The following APH1B variants were observed in gnomAD, a reference collection of about 807,000 sequenced individuals.
The protein encoded by APH1B is aph-1B gamma-secretase subunit, also known as gamma-secretase subunit APH-1B.
APH1B carries 27 observed loss-of-function variants against 28.2 expected under a neutral mutation model. The ratio of observed to expected loss-of-function variants is 0.96; its 90% confidence interval spans 0.70 to 1.32. The LOEUF is 1.32. Ranked by LOEUF, APH1B falls within the 40% of genes most tolerant of loss-of-function variation. APH1B has a pLI of 0.00. For synonymous variants in APH1B, 141 were observed against 124.6 expected (o/e 1.13, Z -0.88); for missense variants, 305 against 313.6 (o/e 0.97, Z 0.21).
chr15:63,292,595 G>A (rs935150297), intron 4 of APH1B, among the ~76,000 whole-genome samples: 1 of 151,914 alleles, frequency 6.6e-6, no homozygotes, highest in African/African-American at 2.4e-5. Flanking sequence ...TCCTTATGTT[G>A]CCCGGGCTAG....
intron 2 of APH1B, among the ~76,000 whole-genome samples, chr15:63,283,117 T>G (rs2038407206): frequency 6.6e-6 from 1 of 152,232 alleles, no homozygotes; most frequent in South Asian, 2.1e-4. Context: ...TGCTGTTAGT[T>G]TTCCTCCCAC....
In APH1B at chr15:63,308,219, G is replaced by A. The variant is rs1239521960; in HGVS notation, c.*2438G>A. Reference sequence around the variant, plus strand: ...GGATTTTCTGCTTGGAGGGAAATATGTTGACCTTAGAGAATTGTGAATATT... The same window carrying A: ...GGATTTTCTGCTTGGAGGGAAATATATTGACCTTAGAGAATTGTGAATATT... On this transcript the variant is annotated 3_prime_UTR_variant, in exon 6 of 6. Coordinates refer to ENST00000261879, the MANE Select transcript of APH1B (RefSeq NM_031301.4). The A allele has an allele frequency of 1.3e-5, 2 of 152,110 alleles. No homozygotes were observed. The highest frequency in any genetic ancestry group is 3.8e-4 in the East Asian group (2 of 5,196). The allele number at this position is 152,110 out of a possible 1,614,324, so 9.4% of individuals were successfully genotyped here.
intron 2 of APH1B, among the ~76,000 whole-genome samples, chr15:63,282,150 A>AT (rs1451397608): frequency 6.6e-6 from 1 of 152,236 alleles, no homozygotes; most frequent in Non-Finnish European, 1.5e-5. Context: ...TATGACTGAC[A>AT]TTTATATGGA....
At chr15:63,281,715 G>A (rs1419032097) in intron 2 of APH1B, among the ~76,000 whole-genome samples, 3 of 151,566 alleles carry the variant, frequency 2.0e-5, no homozygotes, top group Non-Finnish European at 4.4e-5. Context: ...CTAACTTAGG[G>A]CTCCAAAGGA....
chr15:63,306,012 T>C lies in APH1B; in HGVS notation c.*231T>C. ...GGGACAGTGTAAAGCCGACTGATTC[T>C]GGGCTCCACCTTCCAGAGCTAATTG... is the stretch of plus-strand genomic sequence containing the variant. On this transcript the variant is annotated 3_prime_UTR_variant, in exon 6 of 6. Coordinates refer to ENST00000261879, the MANE Select transcript of APH1B (RefSeq NM_031301.4). 1 of 491,016 alleles carries C rather than the reference T, an allele frequency of 2.0e-6. No homozygotes were observed. Among genetic ancestry groups the C allele is most frequent in the Non-Finnish European group, 3.5e-6 (1 of 287,896 alleles). 30.4% of individuals were successfully genotyped at this position (491,016 alleles called of 1,614,324 possible). A position where few individuals can be genotyped will look rare whatever the true frequency, so the allele number is the denominator to read the frequency against.
Position 63,305,647 on chromosome 15 carries a change from G to A in APH1B, c.640G>A (p.Ala214Thr). The change falls in exon 6 of 6, where the codon GCG (alanine) becomes ACG (threonine). Residue 214 changes from alanine to threonine, a missense_variant. By Grantham distance (58) the Ala-to-Thr change is moderately conservative. Coordinates refer to ENST00000261879, the MANE Select transcript of APH1B (RefSeq NM_031301.4). ...AAGTTCTTATTATGGAATAAACCTG[G>A]CGTCAGCATTTATAATCCTGGTGCT... ...FISSYYGINL[A>T]SAFIILVLMG... 6.2e-7 allele frequency: 1 copy of A among 1,614,090 alleles called. No individual in the cohort carries two copies. The highest frequency in any genetic ancestry group is 2.2e-5 in the East Asian group (1 of 44,874).
intron 4 of APH1B, among the ~76,000 whole-genome samples, chr15:63,288,036 C>A (rs1441340479): frequency 6.6e-6 from 1 of 152,156 alleles, no homozygotes; most frequent in Non-Finnish European, 1.5e-5. Context: ...CGTCCACGAG[C>A]TAAAAATTGT....
intron 4 of APH1B, among the ~76,000 whole-genome samples, chr15:63,288,272 CTA>C (rs1555426192): frequency 6.6e-6 from 1 of 152,026 alleles, no homozygotes; most frequent in Non-Finnish European, 1.5e-5. Flanking sequence ...AGCTTATCCT[CTA>C]ATAAGGGAAT....
At chr15:63,301,435 TAAAG>T (rs2038625898) in intron 4 of APH1B, among the ~76,000 whole-genome samples, 1 of 152,144 alleles carries the variant, frequency 6.6e-6, no homozygotes, top group Non-Finnish European at 1.5e-5. Flanking sequence ...CCACTTTAAA[TAAAG>T]ACTGTTAACC....
chr15:63,295,879 G>C (rs191747469), intron 4 of APH1B, among the ~76,000 whole-genome samples: 4 of 152,338 alleles, frequency 2.6e-5, no homozygotes, highest in Admixed American at 2.6e-4. Flanking sequence ...TCTTCATTGT[G>C]TAGAGGACGG....
At chr15:63,278,628 C>G (rs2038351683) in intron 1 of APH1B, among the ~76,000 whole-genome samples, 1 of 152,178 alleles carries the variant, frequency 6.6e-6, no homozygotes, top group South Asian at 2.1e-4. Context: ...GGATACTGAT[C>G]CAGATCAGAA....
At position 63,308,504 on chromosome 15, in the gene APH1B, T is replaced by G. The variant is rs1453016231; in HGVS notation, c.*2723T>G. 9.2e-5 allele frequency: 14 copies of G among 152,382 alleles called. No individual in the cohort carries two copies. The highest frequency in any genetic ancestry group is 3.4e-3 in the Middle Eastern group (1 of 294). 9.4% of individuals were successfully genotyped at this position (152,382 alleles called of 1,614,324 possible). A position where few individuals can be genotyped will look rare whatever the true frequency, so the allele number is the denominator to read the frequency against. On this transcript the variant is annotated 3_prime_UTR_variant, in exon 6 of 6. Coordinates refer to ENST00000261879, the MANE Select transcript of APH1B (RefSeq NM_031301.4). ...GGCTTTTGTTCCCAGCGTTAACATT[T>G]TCTTCTCAATCACATTTCAATGTTT...
chr15:63,303,511 T>C (rs1715977699), intron 5 of APH1B, among the ~76,000 whole-genome samples: 1 of 152,174 alleles, frequency 6.6e-6, no homozygotes, highest in Non-Finnish European at 1.5e-5. Flanking sequence ...TTGTTTCTAG[T>C]TTGAGATGGA....
At chr15:63,283,284 A>G (rs2038409430) in intron 2 of APH1B, among the ~76,000 whole-genome samples, 1 of 152,238 alleles carries the variant, frequency 6.6e-6, no homozygotes, top group Non-Finnish European at 1.5e-5. Context: ...GCTAGAGTGC[A>G]GTGGCGCAAT....
chr15:63,285,152 A>G (rs974104746), intron 2 of APH1B, among the ~76,000 whole-genome samples: 1 of 152,216 alleles, frequency 6.6e-6, no homozygotes, highest in African/African-American at 2.4e-5. Flanking sequence ...TTTTGAGTCT[A>G]GAAAAGCACT....
rs1055437068 is a variant in APH1B, at chr15:63,306,606, T to G, written c.*825T>G. On this transcript the variant is annotated 3_prime_UTR_variant, in exon 6 of 6. Coordinates refer to ENST00000261879, the MANE Select transcript of APH1B (RefSeq NM_031301.4). ...TGCCCCAAGGCCGTTGGCTGCAGCG[T>G]TCACCATCTGAGTGCCAGTTGCTGG... The G allele has an allele frequency of 6.6e-6, 1 of 152,270 alleles. No homozygotes were observed. Among genetic ancestry groups the G allele is most frequent in the Non-Finnish European group, 1.5e-5 (1 of 68,070 alleles). 9.4% of individuals were successfully genotyped at this position (152,270 alleles called of 1,614,324 possible).
Position 63,302,362 on chromosome 15 carries a change from A to G in APH1B, c.496A>G (p.Ile166Val), listed in dbSNP as rs749141736. 28 of 1,613,826 alleles carry G rather than the reference A, an allele frequency of 1.7e-5. No individual in the cohort carries two copies. The highest frequency in any genetic ancestry group is 2.2e-5 in the East Asian group (1 of 44,888). ...FLYSAFMTLV[I>V]ILLHVFWGIV... ...TCTTTCAGCTTTCATGACGCTGGTC[A>G]TTATCTTGCTGCATGTATTCTGGGG... The change falls in exon 5 of 6, where the codon ATT becomes GTT. Residue 166 changes from isoleucine (I) to valine (V), a missense_variant. Coordinates refer to ENST00000261879, the MANE Select transcript of APH1B (RefSeq NM_031301.4).
At position 63,305,926 on chromosome 15, in the gene APH1B, C is replaced by A; in HGVS notation, c.*145C>A. 9.2e-7 allele frequency: 1 copy of A among 1,085,494 alleles called. No homozygotes were observed. The highest frequency in any genetic ancestry group is 1.7e-5 in the South Asian group (1 of 59,758). 67.2% of individuals were successfully genotyped at this position (1,085,494 alleles called of 1,614,324 possible). ...ATGCGTTCCATTCACTTGGCTTTCA[C>A]ACAACTGCTCTCCGAAAGGGGTGCT... On this transcript the variant is annotated 3_prime_UTR_variant, in exon 6 of 6. Transcript: ENST00000261879.
At chr15:63,278,257 A>T (rs1038304414) in intron 1 of APH1B, 8 of 431,058 alleles carry the variant, frequency 1.9e-5, no homozygotes, top group African/African-American at 8.8e-5. Context: ...AAAAAAAAAA[A>T]TTTAAGCTCC....
Sources: gnomAD v4.1 joint callset for allele counts (sites outside exome capture counted in the v4.1 genomes callset) on GRCh38, gnomAD v4.1.1 for gene constraint, MANE v1.5 for transcripts, NCBI Gene and HGNC (gene_info 2026-07-23, HGNC 2026-07-21) for gene names.